BANP: variants seen among roughly 807,000 people sequenced by gnomAD.
BANP encodes the protein protein BANP.
BANP carries 11 observed loss-of-function variants against 68.1 expected under a neutral mutation model. The ratio of observed to expected loss-of-function variants is 0.16; its 90% confidence interval spans 0.10 to 0.27. BANP has a LOEUF of 0.27. Among genes scored for constraint, BANP ranks in the 10% least tolerant of loss-of-function variants. The pLI is 1.00. For synonymous variants in BANP, 329 were observed against 303.2 expected (o/e 1.09, Z -0.88); for missense variants, 504 against 722.7 (o/e 0.70, Z 3.47).
At chr16:88,045,246 T>A (rs1226568090) in intron 11 of BANP, among the ~76,000 whole-genome samples, 1 of 152,158 alleles carries the variant, frequency 6.6e-6, no homozygotes, top group Non-Finnish European at 1.5e-5. Flanking sequence ...TGCAGTCAGG[T>A]TTTTGGCATG....
At chr16:88,045,279 G>A (rs1427136817) in intron 11 of BANP, among the ~76,000 whole-genome samples, 2 of 152,218 alleles carry the variant, frequency 1.3e-5, no homozygotes, top group African/African-American at 2.4e-5. Flanking sequence ...TTGGTCATAT[G>A]GTGGGCATGG....
At chr16:88,048,620 A>G (rs1417450594) in intron 11 of BANP, among the ~76,000 whole-genome samples, 2 of 150,972 alleles carry the variant, frequency 1.3e-5, no homozygotes, top group African/African-American at 4.9e-5. Flanking sequence ...TTAAATCTGC[A>G]CTCACCACAG....
At chr16:87,978,563 C>T in intron 2 of BANP, 1 of 464,302 alleles carries the variant, frequency 2.2e-6, no homozygotes, top group Non-Finnish European at 4.4e-6. Flanking sequence ...GAGAATTCAT[C>T]TGCAAAGGCT....
At chr16:88,020,477 G>C (rs1475374006) in intron 7 of BANP, among the ~76,000 whole-genome samples, 1 of 152,234 alleles carries the variant, frequency 6.6e-6, no homozygotes, top group Non-Finnish European at 1.5e-5. Context: ...GAGATATATA[G>C]ACGAATGAGA....
intron 4 of BANP, among the ~76,000 whole-genome samples, chr16:87,989,623 G>C (rs1210127688): frequency 7.7e-6 from 1 of 130,358 alleles, no homozygotes; most frequent in South Asian, 2.6e-4. Context: ...GTGGCTGCGC[G>C]CATCCAGGAC....
At chr16:88,062,283 C>T (rs907971869) in intron 11 of BANP, among the ~76,000 whole-genome samples, 2 of 152,122 alleles carry the variant, frequency 1.3e-5, no homozygotes, top group African/African-American at 2.4e-5. Flanking sequence ...ACTGAGAAGT[C>T]CTTGGGCTTC....
chr16:88,001,134 G>A (rs35203210), intron 4 of BANP, among the ~76,000 whole-genome samples: 1 of 94,472 alleles, frequency 1.1e-5, no homozygotes, highest in Non-Finnish European at 2.0e-5. Flanking sequence ...ATGCACGCAC[G>A]TGCGCGGCTG....
chr16:88,058,655 C>T (rs1374075824), intron 11 of BANP, among the ~76,000 whole-genome samples: 7 of 152,068 alleles, frequency 4.6e-5, no homozygotes, highest in African/African-American at 9.7e-5. Flanking sequence ...CCAGATGAAA[C>T]GTGTGTGTCC....
chr16:87,961,909 T>C (rs757053019), intron 1 of BANP, among the ~76,000 whole-genome samples: 3 of 152,110 alleles, frequency 2.0e-5, no homozygotes, highest in Non-Finnish European at 2.9e-5. Context: ...ATGGGACCCC[T>C]GGACCTTGGA....
intron 4 of BANP, among the ~76,000 whole-genome samples, chr16:87,989,398 C>G (rs1361879578): frequency 6.6e-6 from 1 of 152,222 alleles, no homozygotes; most frequent in Non-Finnish European, 1.5e-5. Context: ...TTCGTTATGT[C>G]ACATGGTCTG....
chr16:88,034,540 A>G (rs2078892602), intron 9 of BANP, among the ~76,000 whole-genome samples: 1 of 152,112 alleles, frequency 6.6e-6, no homozygotes, highest in South Asian at 2.1e-4. Flanking sequence ...TGTTTCTTTG[A>G]TTTGAAAAAC....
chr16:87,959,259 T>A (rs1039293878), intron 1 of BANP, among the ~76,000 whole-genome samples: 1 of 152,224 alleles, frequency 6.6e-6, no homozygotes, highest in Non-Finnish European at 1.5e-5. Flanking sequence ...TTTATGTAAT[T>A]TTCTCATCAT....
At chr16:87,984,504 T>A (rs1040699173) in intron 4 of BANP, among the ~76,000 whole-genome samples, 2 of 152,226 alleles carry the variant, frequency 1.3e-5, no homozygotes, top group African/African-American at 4.8e-5. Context: ...CCCATGCACC[T>A]TTTCTTTGGA....
intron 13 of BANP, among the ~76,000 whole-genome samples, chr16:88,072,470 C>G (rs562558595): frequency 6.6e-6 from 1 of 152,336 alleles, no homozygotes; most frequent in Non-Finnish European, 1.5e-5. Context: ...AATTCAGGGG[C>G]AGAAGTGAAG....
intron 11 of BANP, among the ~76,000 whole-genome samples, chr16:88,061,978 G>A (rs373892987): frequency 6.6e-6 from 1 of 152,178 alleles, no homozygotes; most frequent in Admixed American, 6.5e-5. Flanking sequence ...CATTTTTCTA[G>A]TATGAGGAAG....
intron 11 of BANP, among the ~76,000 whole-genome samples, chr16:88,042,447 C>T (rs1242565831): frequency 6.6e-6 from 1 of 152,192 alleles, no homozygotes; most frequent in African/African-American, 2.4e-5. Flanking sequence ...CTCTGCTTTG[C>T]CAGCTGCCCA....
intron 1 of BANP, among the ~76,000 whole-genome samples, chr16:87,963,071 A>G (rs7499535): frequency 0.67 from 102,465 of 152,000 alleles, 35,342 homozygotes; most frequent in African/African-American, 0.8. Flanking sequence ...TCTCATCTTT[A>G]AGTGGGAGTT....
intron 12 of BANP, among the ~76,000 whole-genome samples, chr16:88,066,046 G>A (rs2152895627): frequency 6.6e-6 from 1 of 152,336 alleles, no homozygotes; most frequent in East Asian, 1.9e-4. Context: ...CGTCCGAGCA[G>A]CCTCTGTCGT....
At chr16:87,953,046 C>T (rs1347820095) in intron 1 of BANP, among the ~76,000 whole-genome samples, 1 of 152,126 alleles carries the variant, frequency 6.6e-6, no homozygotes, top group African/African-American at 2.4e-5. Flanking sequence ...GGGGGCAGCT[C>T]AACATCTCGG....
Sources: gnomAD v4.1 joint callset for allele counts (sites outside exome capture counted in the v4.1 genomes callset) on GRCh38, gnomAD v4.1.1 for gene constraint, MANE v1.5 for transcripts, NCBI Gene and HGNC (gene_info 2026-07-23, HGNC 2026-07-21) for gene names.